FRMD3: variants seen among roughly 807,000 people sequenced by gnomAD.
The protein encoded by FRMD3 is FERM domain-containing protein 3.
Under a neutral mutation model 70.2 loss-of-function variants are expected in FRMD3, and 33 were observed. The observed-to-expected ratio is 0.47, with a 90% CI of 0.36 to 0.63. FRMD3 has a LOEUF of 0.63. Ranked by LOEUF, FRMD3 falls within the 20% of genes least tolerant of loss-of-function variation. The pLI, the probability that FRMD3 is intolerant of heterozygous loss-of-function variation, is 0.00. For missense variants in FRMD3, 632 were observed against 711.4 expected, an observed-to-expected ratio of 0.89 and a Z score of 1.27; for synonymous variants, 279 against 255.9, an observed-to-expected ratio of 1.09 and a Z score of -0.86.
At chr9:83,271,975 A>C (rs1194069768) in intron 13 of FRMD3, among the ~76,000 whole-genome samples, 2 of 152,202 alleles carry the variant, frequency 1.3e-5, no homozygotes, top group Non-Finnish European at 2.9e-5. Context: ...CATCATTCAA[A>C]GCAGTCGGTT....
chr9:83,411,115 T>C (rs1027907101), intron 1 of FRMD3, among the ~76,000 whole-genome samples: 1 of 152,194 alleles, frequency 6.6e-6, no homozygotes, highest in African/African-American at 2.4e-5. Context: ...ACCTGCCCCT[T>C]AGAGACGTGG....
At chr9:83,412,154 T>A (rs1826297698) in intron 1 of FRMD3, among the ~76,000 whole-genome samples, 2 of 152,202 alleles carry the variant, frequency 1.3e-5, no homozygotes, top group East Asian at 3.8e-4. Flanking sequence ...AACAGTGTTG[T>A]TCTCTTTGTG....
intron 1 of FRMD3, among the ~76,000 whole-genome samples, chr9:83,426,538 G>A (rs1826817674): frequency 6.6e-6 from 1 of 152,220 alleles, no homozygotes; most frequent in African/African-American, 2.4e-5. Flanking sequence ...GTGGTTTCCA[G>A]ACTTAGCAAC....
intron 1 of FRMD3, among the ~76,000 whole-genome samples, chr9:83,494,974 T>C (rs1828911938): frequency 6.6e-6 from 1 of 152,154 alleles, no homozygotes; most frequent in African/African-American, 2.4e-5. Flanking sequence ...TCCAATGTCA[T>C]CAATTTTTCT....
chr9:83,262,858 A>G (rs1187223322), intron 13 of FRMD3, among the ~76,000 whole-genome samples: 1 of 152,118 alleles, frequency 6.6e-6, no homozygotes, highest in Non-Finnish European at 1.5e-5. Flanking sequence ...GGTACTTTTC[A>G]TGGTTGACTC....
At chr9:83,416,745 GTC>G (rs1184226415) in intron 1 of FRMD3, among the ~76,000 whole-genome samples, 2,446 of 102,214 alleles carry the variant, frequency 0.024, 28 homozygotes, top group Middle Eastern at 0.037. Context: ...ATTTCTCTCT[GTC>G]TCTCTCTCTC....
chr9:83,550,987 G>T, the FRMD3 span, among the ~76,000 whole-genome samples: 1 of 152,002 alleles, frequency 6.6e-6, no homozygotes, highest in Non-Finnish European at 1.5e-5. Flanking sequence ...TTGCCTGATT[G>T]CTCTGGCTAG....
chr9:83,550,687 A>AT, the FRMD3 span, among the ~76,000 whole-genome samples: 1 of 138,868 alleles, frequency 7.2e-6, no homozygotes, highest in Non-Finnish European at 1.6e-5. Context: ...AGTCCTAGGT[A>AT]GTGTGTGTGT....
downstream of FRMD3, chr9:83,244,587 C>CTT (rs1357689185): frequency 1.4e-5 from 11 of 795,168 alleles, no homozygotes; most frequent in Non-Finnish European, 1.7e-5. Context: ...GACTATACAA[C>CTT]TTTACTTTAA....
intron 1 of FRMD3, among the ~76,000 whole-genome samples, chr9:83,536,341 A>G (rs1419184461): frequency 6.6e-6 from 1 of 152,168 alleles, no homozygotes. Context: ...GGAAGACTTC[A>G]TCCTGAGGGA....
intron 1 of FRMD3, among the ~76,000 whole-genome samples, chr9:83,411,621 T>C (rs1385667252): frequency 6.6e-6 from 1 of 152,224 alleles, no homozygotes; most frequent in Non-Finnish European, 1.5e-5. Flanking sequence ...TCCCCCTTGC[T>C]TGTCAGTGGT....
chr9:83,393,564 G>T (rs10125072), intron 1 of FRMD3, among the ~76,000 whole-genome samples: 109,062 of 149,882 alleles, frequency 0.73, 39,869 homozygotes, highest in African/African-American at 0.78. Flanking sequence ...TAATGTAGAC[G>T]CGGTGGGAGC....
intron 1 of FRMD3, among the ~76,000 whole-genome samples, chr9:83,396,129 G>A (rs1825805479): frequency 6.6e-6 from 1 of 152,152 alleles, no homozygotes; most frequent in Non-Finnish European, 1.5e-5. Flanking sequence ...ACCGAGGTCT[G>A]ACACCTATGC....
chr9:83,380,727 C>A (rs756277260), intron 2 of FRMD3, among the ~76,000 whole-genome samples: 3 of 152,156 alleles, frequency 2.0e-5, no homozygotes, highest in African/African-American at 7.2e-5. Flanking sequence ...CTGTTGAAAT[C>A]GATTCAGTGT....
At chr9:83,536,011 G>C (rs1454046222) in intron 1 of FRMD3, among the ~76,000 whole-genome samples, 1 of 152,018 alleles carries the variant, frequency 6.6e-6, no homozygotes, top group Non-Finnish European at 1.5e-5. Context: ...TTCAATTCCT[G>C]GTCTGGAGTA....
chr9:83,290,452 T>A, intron 13 of FRMD3, 151 bp downstream of exon 13: 1 of 813,180 alleles, frequency 1.2e-6, no homozygotes, highest in Non-Finnish European at 2.0e-6. Context: ...GCCTTCCAGC[T>A]GCAAAAAGCT....
intron 2 of FRMD3, among the ~76,000 whole-genome samples, chr9:83,385,735 C>G (rs990584538): frequency 3.8e-4 from 55 of 146,150 alleles, no homozygotes; most frequent in African/African-American, 1.4e-3. Flanking sequence ...AATACAGGAG[C>G]TGGTGAAAAA....
intron 1 of FRMD3, among the ~76,000 whole-genome samples, chr9:83,423,802 G>T (rs182068856): frequency 8.6e-5 from 13 of 151,858 alleles, no homozygotes; most frequent in Admixed American, 2.0e-4. Flanking sequence ...CACCATGTTG[G>T]CCAGGCTGGT....
At chr9:83,282,195 T>G (rs777967696) in intron 13 of FRMD3, among the ~76,000 whole-genome samples, 1 of 152,226 alleles carries the variant, frequency 6.6e-6, no homozygotes, top group African/African-American at 2.4e-5. Context: ...TGTAGAAGAA[T>G]CCTGAGGGTA....
Sources: gnomAD v4.1 joint callset for allele counts (sites outside exome capture counted in the v4.1 genomes callset) on GRCh38, gnomAD v4.1.1 for gene constraint, MANE v1.5 for transcripts, NCBI Gene and HGNC (gene_info 2026-07-23, HGNC 2026-07-21) for gene names.